Variants in RNF17 observed in about 807,000 individuals in gnomAD.
The protein encoded by RNF17 is ring finger protein 17.
In RNF17, 31 loss-of-function variants were observed where a neutral mutation model predicts 200.5. The observed-to-expected ratio is 0.15, with a 90% confidence interval of 0.12 to 0.21. The LOEUF is 0.21. Among genes scored for constraint, RNF17 ranks in the 10% least tolerant of loss-of-function variants. RNF17 has a pLI of 1.00. For synonymous variants in RNF17, 606 were observed against 637.8 expected (o/e 0.95, Z 0.75); for missense variants, 1,628 against 1,905.1 (o/e 0.85, Z 2.71).
At chr13:24,794,176 G>A (rs1030432521) in intron 10 of RNF17, 2 of 456,184 alleles carry the variant, frequency 4.4e-6, no homozygotes, top group Non-Finnish European at 8.8e-6. Flanking sequence ...GATGATCTTG[G>A]GGAGACACCT....
chr13:24,766,396 A>G (rs946162253), intron 1 of RNF17, among the ~76,000 whole-genome samples: 1 of 152,254 alleles, frequency 6.6e-6, no homozygotes, highest in Non-Finnish European at 1.5e-5. Flanking sequence ...ATTTATTATA[A>G]ACTTCAAATT....
At chr13:24,832,859 T>C (rs1434369987) in intron 18 of RNF17, among the ~76,000 whole-genome samples, 1 of 152,198 alleles carries the variant, frequency 6.6e-6, no homozygotes, top group East Asian at 1.9e-4. Context: ...TCTTCCTGCC[T>C]TAGCCTACCA....
At chr13:24,880,615 ATC>A (rs1231923462), downstream of RNF17, among the ~76,000 whole-genome samples, 9 of 152,132 alleles carry the variant, frequency 5.9e-5, no homozygotes, top group Non-Finnish European at 8.8e-5. Context: ...TTACTGCTAT[ATC>A]TGTGTACATA....
chr13:24,795,360 A>G (rs1169167843), intron 10 of RNF17, among the ~76,000 whole-genome samples: 1 of 98,340 alleles, frequency 1.0e-5, no homozygotes, highest in African/African-American at 4.4e-5. Context: ...AAATAAACAC[A>G]CACAAATTAT....
intron 12 of RNF17, among the ~76,000 whole-genome samples, 186 bp downstream of exon 12, chr13:24,799,770 T>A (rs1192247463): frequency 6.6e-6 from 1 of 152,136 alleles, no homozygotes; most frequent in Non-Finnish European, 1.5e-5. Context: ...TTACCAGTAT[T>A]ACTAGATGGA....
chr13:24,772,155 A>G (rs1296711615), intron 2 of RNF17, among the ~76,000 whole-genome samples: 1 of 152,130 alleles, frequency 6.6e-6, no homozygotes, highest in Non-Finnish European at 1.5e-5. Flanking sequence ...TCCCACTTGT[A>G]TTCTATATTA....
chr13:24,805,012 C>T (rs964000480), intron 15 of RNF17, among the ~76,000 whole-genome samples: 32 of 152,148 alleles, frequency 2.1e-4, no homozygotes, highest in African/African-American at 7.0e-4. Flanking sequence ...AGACCCTAAC[C>T]ACAGAGATGA....
intron 1 of RNF17, among the ~76,000 whole-genome samples, chr13:24,766,184 C>T (rs893315489): frequency 2.0e-4 from 31 of 152,130 alleles, no homozygotes; most frequent in African/African-American, 7.2e-4. Flanking sequence ...GAACCGAGAT[C>T]GTGGTCCGTC....
intron 16 of RNF17, among the ~76,000 whole-genome samples, chr13:24,827,891 G>T (rs1314719874): frequency 6.6e-6 from 1 of 151,810 alleles, no homozygotes; most frequent in Non-Finnish European, 1.5e-5. Context: ...TATGAAAAAG[G>T]AAGGCAAACT....
In RNF17 at chr13:24,764,216, G is replaced by A. The variant is rs371329909; in HGVS notation, c.13G>A (p.Ala5Thr). 2 of 1,597,174 alleles carry A rather than the reference G, an allele frequency of 1.3e-6. No individual in the cohort carries two copies. Among genetic ancestry groups the A allele is most frequent in the Non-Finnish European group, 1.7e-6 (2 of 1,166,904 alleles). The part of the protein sequence containing the change: MAAE[A>T]SKTGPSRSSY... The stretch of plus-strand genomic sequence containing the variant: ...GAAAGAGACAGCGATGGCGGCAGAG[G>A]CTTCGAAGACTGGGCCTTCTAGGTC... The change falls in exon 1 of 36, where the codon GCT (alanine) becomes ACT (threonine). Residue 5 changes from alanine to threonine, a missense_variant. Physicochemically the swap from Ala to Thr is moderately conservative, Grantham distance 58 (BLOSUM62 0). Transcript: ENST00000255324.
At chr13:24,763,450 C>T (rs552962066), upstream of RNF17, among the ~76,000 whole-genome samples, 17 of 150,658 alleles carry the variant, frequency 1.1e-4, no homozygotes, top group African/African-American at 3.9e-4. Flanking sequence ...ATCTCCTGAC[C>T]TCGTGATCTG....
At chr13:24,782,927 T>C (rs1882621608) in intron 6 of RNF17, among the ~76,000 whole-genome samples, 1 of 151,894 alleles carries the variant, frequency 6.6e-6, no homozygotes, top group Admixed American at 6.5e-5. Flanking sequence ...GTTTATTGTT[T>C]CTTTTGTTTC....
At chr13:24,844,301 A>C (rs546656534) in intron 20 of RNF17, among the ~76,000 whole-genome samples, 2 of 152,268 alleles carry the variant, frequency 1.3e-5, no homozygotes, top group Admixed American at 1.3e-4. Context: ...GAACATATAA[A>C]ATTTTTAGTG....
intron 17 of RNF17, 128 bp downstream of exon 17, chr13:24,830,727 A>G (rs1172234818): frequency 1.5e-6 from 1 of 682,804 alleles, no homozygotes; most frequent in African/African-American, 1.8e-5. Context: ...GGGACTATAG[A>G]TAAATGTTGC....
intron 31 of RNF17, among the ~76,000 whole-genome samples, chr13:24,869,934 ATTTTTTTTTTT>A (rs34196797): frequency 1.1e-4 from 9 of 83,756 alleles, no homozygotes; most frequent in Non-Finnish European, 2.0e-4. Flanking sequence ...TGCCCAGCTA[ATTTTTTTTTTT>A]TTTTTTTTTT....
chr13:24,856,684 C>T lies in RNF17; in HGVS notation c.3611-2317C>T, dbSNP rs537891158. 9.2e-5 allele frequency among the ~76,000 whole-genome samples: 14 copies of T among 152,222 alleles called. No homozygotes were observed. The South Asian group carries it at 2.5e-3, about 27-fold the overall frequency. ...CAAAGATTAAGGTTCCATATATGCA[C>T]GAGTTGTTTCTGAACTTTCTGTTCT... On this transcript the variant is annotated intron_variant, in intron 25 of 35. Coordinates refer to ENST00000255324, the MANE Select transcript of RNF17 (RefSeq NM_031277.3).
At position 24,868,493 on chromosome 13, in the gene RNF17, A is replaced by ACAAAAG. The variant is rs1893909187; in HGVS notation, c.4162-106_4162-105insAAAAGC. On this transcript the variant is annotated intron_variant, in intron 30 of 35. Coordinates refer to ENST00000255324, the MANE Select transcript of RNF17 (RefSeq NM_031277.3). ...TCAAAAAAAAAAAAAAAAAAAAAAA[A>ACAAAAG]CTTGCTTTCTGCTAATTGAAAGGTA... 3 of 275,156 alleles carry ACAAAAG rather than the reference A, an allele frequency of 1.1e-5. 1 individual carries two copies. Among genetic ancestry groups the ACAAAAG allele is most frequent in the Admixed American group, 1.2e-4 (2 of 16,642 alleles). The allele number at this position is 275,156 out of a possible 1,614,324, so 17.0% of individuals were successfully genotyped here.
Position 24,850,371 on chromosome 13 carries a change from A to C in RNF17, c.3132A>C (p.Ala1044=), listed in dbSNP as rs1891742575. ...RPAGGSDKWT[A]TACDCLSLYL... is the part of the protein sequence containing the mutation. ...CTGGTGGGAGTGACAAGTGGACAGC[A>C]ACAGCTTGTGACTGTCTTTCATTGT... The change falls in exon 23 of 36, where the codon GCA becomes GCC. Residue 1044 remains alanine, a synonymous_variant. Coordinates refer to ENST00000255324, the MANE Select transcript of RNF17 (RefSeq NM_031277.3). The C allele has an allele frequency of 6.2e-7, 1 of 1,613,792 alleles. No homozygotes were observed. The highest frequency in any genetic ancestry group is 1.3e-5 in the African/African-American group (1 of 75,048).
At chr13:24,805,172 T>C (rs1193344621) in intron 15 of RNF17, among the ~76,000 whole-genome samples, 1 of 152,210 alleles carries the variant, frequency 6.6e-6, no homozygotes, top group Non-Finnish European at 1.5e-5. Context: ...TTTGCGTTTA[T>C]TTCTTTTGTT....
Sources: allele counts gnomAD v4.1 joint callset (sites outside exome capture counted in the v4.1 genomes callset), GRCh38; gene constraint gnomAD v4.1.1; transcripts MANE v1.5; gene names NCBI Gene and HGNC (gene_info 2026-07-23, HGNC 2026-07-21).